PDZRN3: variants seen among roughly 807,000 people sequenced by gnomAD.
PDZRN3 encodes PDZ domain containing ring finger 3.
A neutral mutation model predicts 85.7 loss-of-function variants in PDZRN3; 38 were observed. That is an observed-to-expected ratio of 0.44 (90% CI 0.34 to 0.58). The LOEUF (loss-of-function observed/expected upper bound fraction) is 0.58. Ranked by LOEUF, PDZRN3 falls within the 20% of genes least tolerant of loss-of-function variation. PDZRN3 has a pLI of 0.01. For synonymous variants in PDZRN3, 759 were observed against 638.0 expected, an observed-to-expected ratio of 1.19 and a Z score of -2.86; for missense variants, 1,629 against 1,506.4, an observed-to-expected ratio of 1.08 and a Z score of -1.35.
chr3:73,533,367 T>C (rs147438833), intron 3 of PDZRN3, among the ~76,000 whole-genome samples: 88 of 152,226 alleles, frequency 5.8e-4, no homozygotes, highest in African/African-American at 1.9e-3. Context: ...TCCCAAAACT[T>C]CTACCTCTAT....
chr3:73,465,721 T>C (rs1703199442), intron 3 of PDZRN3, among the ~76,000 whole-genome samples: 1 of 152,208 alleles, frequency 6.6e-6, no homozygotes, highest in African/African-American at 2.4e-5. Flanking sequence ...AAGATCCAAA[T>C]TCCCCCCAAA....
At chr3:73,429,459 CTT>C (rs77373461) in intron 3 of PDZRN3, among the ~76,000 whole-genome samples, 7,409 of 152,246 alleles carry the variant, frequency 0.049, 241 homozygotes, top group East Asian at 0.086. Context: ...TGCAGAGTCT[CTT>C]TGCTCTACAG....
intron 3 of PDZRN3, among the ~76,000 whole-genome samples, chr3:73,429,900 C>T (rs563574066): frequency 6.6e-6 from 1 of 152,276 alleles, no homozygotes; most frequent in East Asian, 1.9e-4. Context: ...CCAGCAACCC[C>T]GTAGGAACCT....
intron 3 of PDZRN3, among the ~76,000 whole-genome samples, chr3:73,529,445 C>T (rs574871251): frequency 2.6e-5 from 4 of 152,300 alleles, no homozygotes; most frequent in African/African-American, 9.6e-5. Flanking sequence ...CCCCACCCCT[C>T]CCCCTATGGC....
Position 73,537,232 on chromosome 3 carries a change from T to A in PDZRN3, c.918+65122A>T, listed in dbSNP as rs563179120. On this transcript the variant is annotated intron_variant, in intron 3 of 9. Coordinates refer to ENST00000263666, the MANE Select transcript of PDZRN3 (RefSeq NM_015009.3). The stretch of plus-strand genomic sequence containing the variant: ...TTCATCCTCTTTCCAAGTGGAAAGA[T>A]TCAGAGATCCTAGGGAAGGTGGGGC... Among the ~76,000 whole-genome samples the A allele has an allele frequency of 3.9e-5, 6 of 152,254 alleles. No individual in the cohort carries two copies. The South Asian group carries it at 1.2e-3, about 32-fold the overall frequency.
chr3:73,545,013 AAG>A (rs1171013567), intron 3 of PDZRN3, among the ~76,000 whole-genome samples: 1 of 152,204 alleles, frequency 6.6e-6, no homozygotes, highest in Non-Finnish European at 1.5e-5. Context: ...TGTAAAAGGG[AAG>A]AAATAAAAGG....
intron 3 of PDZRN3, among the ~76,000 whole-genome samples, chr3:73,536,510 G>A (rs1022929827): frequency 2.6e-5 from 4 of 152,214 alleles, no homozygotes; most frequent in Non-Finnish European, 4.4e-5. Flanking sequence ...CATCTGTCAT[G>A]TCCACTGAAA....
chr3:73,397,483 G>T (rs886729850), intron 5 of PDZRN3, among the ~76,000 whole-genome samples: 4 of 152,218 alleles, frequency 2.6e-5, no homozygotes, highest in African/African-American at 9.6e-5. Flanking sequence ...GGGATGACAG[G>T]CATGTGCCAG....
At chr3:73,572,100 GCT>G (rs1702053893) in intron 3 of PDZRN3, among the ~76,000 whole-genome samples, 2 of 152,310 alleles carry the variant, frequency 1.3e-5, no homozygotes, top group Admixed American at 6.5e-5. Flanking sequence ...AGAAAAGCAA[GCT>G]GGAGTGAATA....
intron 4 of PDZRN3, among the ~76,000 whole-genome samples, chr3:73,402,960 T>TTTTTTTTTTTG (rs1429244382): frequency 1.7e-4 from 17 of 99,016 alleles, no homozygotes; most frequent in African/African-American, 5.5e-4. Flanking sequence ...TTTTTTTTTT[T>TTTTTTTTTTTG]TGAGACGGAG....
chr3:73,543,581 T>C (rs999903001), intron 3 of PDZRN3, among the ~76,000 whole-genome samples: 2 of 152,362 alleles, frequency 1.3e-5, no homozygotes, highest in Admixed American at 6.5e-5. Flanking sequence ...GATTCAATAT[T>C]TCCTTTAGGC....
At chr3:73,390,654 T>TGA (rs1553683085) in intron 6 of PDZRN3, among the ~76,000 whole-genome samples, 58 of 140,020 alleles carry the variant, frequency 4.1e-4, no homozygotes, top group East Asian at 2.8e-3. Flanking sequence ...TGTGTGTGTG[T>TGA]GAGAGAGAGA....
At position 73,602,394 on chromosome 3, in the gene PDZRN3, G is replaced by C; in HGVS notation, c.878C>G (p.Ala293Gly). The change falls in exon 3 of 10, where the codon GCC becomes GGC. Residue 293 changes from alanine to glycine, a missense_variant. Coordinates refer to ENST00000263666, the MANE Select transcript of PDZRN3 (RefSeq NM_015009.3). Reference sequence around the variant, plus strand: ...ATGAATTTGCAGGCCTCCTTCCTTGGCTGCAGGCCCACTGTCAACTATCTT... The same window carrying C: ...ATGAATTTGCAGGCCTCCTTCCTTGCCTGCAGGCCCACTGTCAACTATCTT... ...VSKIVDSGPA[A>G]KEGGLQIHDR... is the part of the protein sequence containing the mutation. The C allele has an allele frequency of 1.2e-6, 2 of 1,610,224 alleles. No individual in the cohort carries two copies. Among genetic ancestry groups the C allele is most frequent in the Non-Finnish European group, 1.7e-6 (2 of 1,176,476 alleles).
chr3:73,601,642 CA>C (rs1702516961), intron 3 of PDZRN3, among the ~76,000 whole-genome samples: 1 of 152,146 alleles, frequency 6.6e-6, no homozygotes, highest in Non-Finnish European at 1.5e-5. Context: ...GAGAAGGCAA[CA>C]AATCATTCTC....
At chr3:73,402,941 CTTTTT>C (rs140037400) in intron 4 of PDZRN3, among the ~76,000 whole-genome samples, 225 of 115,618 alleles carry the variant, frequency 1.9e-3, no homozygotes, top group Middle Eastern at 4.5e-3. Context: ...ACATGAAAAG[CTTTTT>C]TTTTTTTTTT....
At chr3:73,447,844 C>A (rs13094540) in intron 3 of PDZRN3, among the ~76,000 whole-genome samples, 1 of 152,200 alleles carries the variant, frequency 6.6e-6, no homozygotes, top group Non-Finnish European at 1.5e-5. Flanking sequence ...GTTGACTCTA[C>A]ACTCCTTCTT....
At chr3:73,453,257 T>C (rs547799100) in intron 3 of PDZRN3, among the ~76,000 whole-genome samples, 1 of 151,854 alleles carries the variant, frequency 6.6e-6, no homozygotes, top group Non-Finnish European at 1.5e-5. Context: ...AACACAAAAA[T>C]TAGCTGGGTG....
At chr3:73,544,038 C>T (rs1034496105) in intron 3 of PDZRN3, among the ~76,000 whole-genome samples, 1 of 152,134 alleles carries the variant, frequency 6.6e-6, no homozygotes, top group Non-Finnish European at 1.5e-5. Context: ...ATGGTGAAAC[C>T]TCGGTCTCTA....
At chr3:73,518,863 T>G (rs1296508619) in intron 3 of PDZRN3, among the ~76,000 whole-genome samples, 3 of 152,166 alleles carry the variant, frequency 2.0e-5, no homozygotes, top group African/African-American at 7.2e-5. Context: ...CCTAACACCA[T>G]CACCGTGAAG....
Sources: gnomAD v4.1 joint callset for allele counts (sites outside exome capture counted in the v4.1 genomes callset) on GRCh38, gnomAD v4.1.1 for gene constraint, MANE v1.5 for transcripts, NCBI Gene and HGNC (gene_info 2026-07-23, HGNC 2026-07-21) for gene names.